The following CELSR2 variants were observed in gnomAD, a reference collection of about 807,000 sequenced individuals.
CELSR2 encodes the protein EGF-like protein 2.
A neutral mutation model predicts 251.6 loss-of-function variants in CELSR2; 81 were observed. The ratio of observed to expected loss-of-function variants is 0.32; its 90% CI spans 0.27 to 0.39. The LOEUF (loss-of-function observed/expected upper bound fraction) is 0.39, where lower values mean the gene tolerates loss of function less well. Ranked by LOEUF, CELSR2 falls within the 10% of genes least tolerant of loss-of-function variation. The pLI is 1.00. For synonymous variants in CELSR2, 1,721 were observed against 1,670.5 expected, an observed-to-expected ratio of 1.03 and a Z score of -0.74; for missense variants, 3,365 against 3,947.7, an observed-to-expected ratio of 0.85 and a Z score of 3.96.
At position 109,251,313 on chromosome 1, in the gene CELSR2, G is replaced by A; in HGVS notation, c.1234G>A (p.Val412Met). ...KRYVVQVRED[V>M]TPGAPVLRVT... The stretch of plus-strand genomic sequence containing the variant: ...CTATGTGGTCCAGGTGAGGGAGGAT[G>A]TGACTCCAGGGGCCCCAGTACTCCG... Residue 412 changes from valine to methionine, a missense_variant, in exon 1 of 34, where the codon GTG becomes ATG. Around this residue, in one of 5 missense-constraint regions of CELSR2, gnomAD observed 704 missense variants for 784.1 expected, o/e 0.90. Coordinates refer to ENST00000271332, the MANE Select transcript of CELSR2 (RefSeq NM_001408.3). The surrounding 1 kb of genome is among the most constrained non-coding windows in gnomAD (Gnocchi z 4.9). The A allele has an allele frequency of 6.2e-7, 1 of 1,614,170 alleles. No homozygotes were observed. Among genetic ancestry groups the A allele is most frequent in the Non-Finnish European group, 8.5e-7 (1 of 1,180,030 alleles).
intron 1 of CELSR2, among the ~76,000 whole-genome samples, chr1:109,255,229 C>T (rs550335030): frequency 1.1e-4 from 16 of 152,324 alleles, no homozygotes; most frequent in Admixed American, 3.3e-4. Flanking sequence ...CTTTGTTTTC[C>T]TCCTCTTGTT....
chr1:109,273,153 C>T lies in CELSR2; in HGVS notation c.8339-13C>T. 11 of 1,610,180 alleles carry T rather than the reference C, an allele frequency of 6.8e-6. No individual in the cohort carries two copies. Among genetic ancestry groups the T allele is most frequent in the Non-Finnish European group, 9.3e-6 (11 of 1,178,544 alleles). On this transcript the variant is annotated splice_polypyrimidine_tract_variant and intron_variant, in intron 31 of 33. Coordinates refer to ENST00000271332, the MANE Select transcript of CELSR2 (RefSeq NM_001408.3). ...GCCCTCTGTGGGCCTCATCTACTTC[C>T]TTTCCCCACCAGATGGGGGCCCAGG...
chr1:109,271,166 T>C (rs1656361166), intron 25 of CELSR2, 51 bp from the exon 26 acceptor site: 2 of 1,578,812 alleles, frequency 1.3e-6, no homozygotes, highest in Non-Finnish European at 1.7e-6. Context: ...GTGGGCTGGG[T>C]GGAAGCTGTT....
In CELSR2 at chr1:109,262,984, G is replaced by A; in HGVS notation, c.4708+15G>A. The stretch of plus-strand genomic sequence containing the variant: ...CACCGTGCCTGGTATGGGGGCCCGG[G>A]GTGGAGCCAGGCTGGGATCCCAGTG... On this transcript the variant is annotated intron_variant, in intron 7 of 33. Transcript: ENST00000271332. 1 of 1,608,246 alleles carries A rather than the reference G, an allele frequency of 6.2e-7. No individual in the cohort carries two copies. Among genetic ancestry groups the A allele is most frequent in the East Asian group, 2.2e-5 (1 of 44,738 alleles).
rs1656455062 is a variant in CELSR2, at chr1:109,274,062, G to T, written c.*13G>T. On this transcript the variant is annotated 3_prime_UTR_variant, in exon 34 of 34. Transcript: ENST00000271332. ...CTTCCTGCATTAACCCTGGGCCGTGGTTCCTACGCCCGAGGCTCCCTTCCC... is the reference window on the plus strand; with the variant it reads ...CTTCCTGCATTAACCCTGGGCCGTGTTTCCTACGCCCGAGGCTCCCTTCCC... 3 of 1,613,986 alleles carry T rather than the reference G, an allele frequency of 1.9e-6. No homozygotes were observed. The East Asian group carries it at 6.7e-5, about 36-fold the overall frequency.
chr1:109,264,321 G>A lies in CELSR2; in HGVS notation c.5245G>A (p.Gly1749Arg), dbSNP rs1656126449. 6.2e-7 allele frequency: 1 copy of A among 1,612,784 alleles called. No homozygotes were observed. Among genetic ancestry groups the A allele is most frequent in the Non-Finnish European group, 8.5e-7 (1 of 1,179,104 alleles). Residue 1749 changes from glycine (G) to arginine (R), a missense_variant, in exon 10 of 34, where the codon GGG (glycine) becomes AGG (arginine). Coordinates refer to ENST00000271332, the MANE Select transcript of CELSR2 (RefSeq NM_001408.3). Reference protein sequence around the residue: ...LSNITVGGIPGPAGGVARGFR... With the variant: ...LSNITVGGIPRPAGGVARGFR... Reference sequence around the variant, plus strand: ...CAACATAACAGTGGGCGGAATACCTGGGCCAGCCGGCGGTGTGGCCCGTGG... The same window carrying A: ...CAACATAACAGTGGGCGGAATACCTAGGCCAGCCGGCGGTGTGGCCCGTGG...
In CELSR2 at chr1:109,270,474, A is replaced by G; in HGVS notation, c.7357A>G (p.Thr2453Ala). 2 of 1,614,088 alleles carry G rather than the reference A, an allele frequency of 1.2e-6. No individual in the cohort carries two copies. The highest frequency in any genetic ancestry group is 1.7e-6 in the Non-Finnish European group (2 of 1,180,012). Reference sequence around the variant, plus strand: ...CCTGCTGCACTTCCTGTACCTCTGCACCTTTTCCTGGGCTCTGCTGGAGGC... The same window carrying G: ...CCTGCTGCACTTCCTGTACCTCTGCGCCTTTTCCTGGGCTCTGCTGGAGGC... ...AILLHFLYLCTFSWALLEALH... is the reference protein window; with the variant it reads ...AILLHFLYLCAFSWALLEALH... Residue 2453 changes from threonine (T) to alanine (A), a missense_variant, in exon 24 of 34, where the codon ACC becomes GCC. Coordinates refer to ENST00000271332, the MANE Select transcript of CELSR2 (RefSeq NM_001408.3).
chr1:109,260,191 G>GT (rs1212485213), intron 2 of CELSR2, among the ~76,000 whole-genome samples: 1 of 143,584 alleles, frequency 7.0e-6, no homozygotes, highest in African/African-American at 2.5e-5. Flanking sequence ...GGGAGGGGGG[G>GT]GGTTAGAGCA....
intron 11 of CELSR2, 43 bp downstream of exon 11, chr1:109,264,671 T>G: frequency 6.3e-7 from 1 of 1,595,484 alleles, no homozygotes; most frequent in Non-Finnish European, 8.6e-7. Flanking sequence ...ATCAGGTGCC[T>G]GGGGCCACAT....
Position 109,259,159 on chromosome 1 carries a change from GC to G in CELSR2, c.3958+81del, listed in dbSNP as rs1655947842. On this transcript the variant is annotated intron_variant, in intron 2 of 33. Coordinates refer to ENST00000271332, the MANE Select transcript of CELSR2 (RefSeq NM_001408.3). ...CAGGCACAAATCAGGACAAATGCTGGCGGCTGCCTCATTCTCTTCCCGAGTG... is the reference window on the plus strand; with the variant it reads ...CAGGCACAAATCAGGACAAATGCTGGGGCTGCCTCATTCTCTTCCCGAGTG... The G allele has an allele frequency of 4.8e-6, 6 of 1,258,054 alleles. No individual in the cohort carries two copies. The South Asian group carries it at 9.1e-5, about 19-fold the overall frequency. The allele number at this position is 1,258,054 out of a possible 1,614,324, so 77.9% of individuals were successfully genotyped here. A position where few individuals can be genotyped will look rare whatever the true frequency, so the allele number is the denominator to read the frequency against.
chr1:109,263,599 C>T lies in CELSR2; in HGVS notation c.4835-12C>T. ...TCCACCCGTCACAGTCTGCCTTTTC[C>T]TGCCTCCCCAGAAATGGCCAATCCA... On this transcript the variant is annotated splice_polypyrimidine_tract_variant and intron_variant, in intron 8 of 33. Transcript: ENST00000271332. 6.2e-7 allele frequency: 1 copy of T among 1,612,970 alleles called. No individual in the cohort carries two copies. Among genetic ancestry groups the T allele is most frequent in the Non-Finnish European group, 8.5e-7 (1 of 1,179,286 alleles).
rs1446055964 is a variant in CELSR2, at chr1:109,251,662, A to G, written c.1583A>G (p.Gln528Arg). 2 of 1,613,840 alleles carry G rather than the reference A, an allele frequency of 1.2e-6. No homozygotes were observed. Among genetic ancestry groups the G allele is most frequent in the East Asian group, 2.2e-5 (1 of 44,890 alleles). Residue 528 changes from glutamine (Q) to arginine (R), a missense_variant, in exon 1 of 34, where the codon CAG (glutamine) becomes CGG (arginine). This residue lies in a region of CELSR2 where 704 missense variants were observed against 784.1 expected (regional missense o/e 0.90). Coordinates refer to ENST00000271332, the MANE Select transcript of CELSR2 (RefSeq NM_001408.3). The surrounding 1 kb of genome is among the most constrained non-coding windows in gnomAD (Gnocchi z 4.9). ...TTAGGCTACCTGGTTCTCCATGTCC[A>G]GGCTATCGACGCTGATGCTGGTGAC... Reference protein sequence around the residue: ...VPLGYLVLHVQAIDADAGDNA... With the variant: ...VPLGYLVLHVRAIDADAGDNA...
rs147160924 is a variant in CELSR2, at chr1:109,252,269, G to A, written c.2190G>A (p.Thr730=). 2.3e-3 allele frequency: 3,691 copies of A among 1,613,292 alleles called. 54 individuals carry two copies. Among genetic ancestry groups the A allele is most frequent in the East Asian group, 0.016 (717 of 44,882 alleles). Residue 730 remains threonine (T), a synonymous_variant, in exon 1 of 34, where the codon ACG becomes ACA. Coordinates refer to ENST00000271332, the MANE Select transcript of CELSR2 (RefSeq NM_001408.3). This position sits in a 1 kb window ranked among gnomAD's most constrained non-coding sequence, Gnocchi z 4.8. ...ATGAGGACCGGCCGGCAGGCACCACGGTGGTGCTGATCAGCGCCACGGATG... is the reference window on the plus strand; with the variant it reads ...ATGAGGACCGGCCGGCAGGCACCACAGTGGTGCTGATCAGCGCCACGGATG... ...NVNEDRPAGT[T]VVLISATDED... is the part of the protein sequence containing the mutation.
At chr1:109,267,431 T>G in intron 15 of CELSR2, 117 bp from the exon 16 acceptor site, 1 of 856,776 alleles carries the variant, frequency 1.2e-6, no homozygotes, top group Non-Finnish European at 1.8e-6. Flanking sequence ...GGGCCCTTGT[T>G]TGCTAGTTAC....
chr1:109,261,340 A>G lies in CELSR2; in HGVS notation c.4181+76A>G. 4.1e-6 allele frequency: 6 copies of G among 1,476,524 alleles called. No homozygotes were observed. The highest frequency in any genetic ancestry group is 5.6e-6 in the Non-Finnish European group (6 of 1,068,346). 91.5% of individuals were successfully genotyped at this position (1,476,524 alleles called of 1,614,324 possible). A position where few individuals can be genotyped will look rare whatever the true frequency, so the allele number is the denominator to read the frequency against. On this transcript the variant is annotated intron_variant, in intron 3 of 33. Transcript: ENST00000271332. The surrounding 1 kb of genome is among the most constrained non-coding windows in gnomAD (Gnocchi z 4.8). ...GTGCCTCCTGTTCTGTGGTTGAAGT[A>G]AGAGGTCAGGCAGTGAAAGCGTGGA...
intron 33 of CELSR2, 60 bp downstream of exon 33, chr1:109,273,730 A>G (rs1353891255): frequency 1.7e-5 from 23 of 1,320,640 alleles, no homozygotes; most frequent in Non-Finnish European, 2.2e-5. Flanking sequence ...ACCTGGGCCC[A>G]GAGCTGCCTC....
In CELSR2 at chr1:109,250,126, C is replaced by CGCTGCTGCTGCTGTTGCTGCT. The variant is rs386368023; in HGVS notation, c.56_76dup (p.Leu19_Leu25dup). The CGCTGCTGCTGCTGTTGCTGCT allele has an allele frequency of 6.4e-7, 1 of 1,571,380 alleles. No individual in the cohort carries two copies. Among genetic ancestry groups the CGCTGCTGCTGCTGTTGCTGCT allele is most frequent in the African/African-American group, 1.4e-5 (1 of 72,352 alleles). On this transcript the variant is annotated inframe_insertion, in exon 1 of 34. Transcript: ENST00000271332. The surrounding 1 kb of genome is among the most constrained non-coding windows in gnomAD (Gnocchi z 4.4). ...GTCCCCCTCCCAACGCCGCCGCCGC[C>CGCTGCTGCTGCTGTTGCTGCT]GCTGCTGCTGCTGTTGCTGCTGCTG... is the stretch of plus-strand genomic sequence containing the variant.
In CELSR2 at chr1:109,269,250, C is replaced by T; in HGVS notation, c.6772C>T (p.Leu2258=). The change falls in exon 20 of 34, where the codon CTA becomes TTA. Residue 2258 remains leucine, a synonymous_variant. Transcript: ENST00000271332. This position sits in a 1 kb window ranked among gnomAD's most constrained non-coding sequence, Gnocchi z 6.4. ...SVIIYRTLAG[L]LPHNYDPDKR... is the part of the protein sequence containing the mutation. ...CATCATCTACCGCACCCTGGCCGGG[C>T]TACTGCCTCATAACTATGACCCTGA... 1 of 1,613,204 alleles carries T rather than the reference C, an allele frequency of 6.2e-7. No homozygotes were observed. Among genetic ancestry groups the T allele is most frequent in the Non-Finnish European group, 8.5e-7 (1 of 1,179,964 alleles).
At chr1:109,260,173 G>T (rs1344449670) in intron 2 of CELSR2, among the ~76,000 whole-genome samples, 3 of 146,244 alleles carry the variant, frequency 2.1e-5, no homozygotes, top group Admixed American at 2.0e-4. Context: ...AGGATGGTGG[G>T]GGGGGTTGGG....
Sources: gnomAD v4.1 joint callset for allele counts (sites outside exome capture counted in the v4.1 genomes callset) on GRCh38, gnomAD v4.1.1 for gene constraint, gnomAD v4.1.1 regional missense constraint, Gnocchi (gnomAD v3.1) non-coding constraint, MANE v1.5 for transcripts, NCBI Gene and HGNC (gene_info 2026-07-23, HGNC 2026-07-21) for gene names.